Variants in ULK1 observed in about 807,000 individuals in gnomAD.
The protein encoded by ULK1 is unc-51 like autophagy activating kinase 1, also known as serine/threonine-protein kinase ULK1.
ULK1 carries 48 observed loss-of-function variants against 117.5 expected under a neutral mutation model. That is an observed-to-expected ratio of 0.41 (90% CI 0.32 to 0.52). The LOEUF is 0.52. Among genes scored for constraint, ULK1 ranks in the 20% least tolerant of loss-of-function variants. The probability of loss-of-function intolerance (pLI) is 0.29; values close to 1 mark genes in which losing one functional copy is unlikely to be tolerated. For missense variants in ULK1, 1,387 were observed against 1,473.4 expected (o/e 0.94, Z 0.96); for synonymous variants, 790 against 637.8 (o/e 1.24, Z -3.60).
rs758966377 is a variant in ULK1 at position 131,918,403 on chromosome 12, A to T, written c.2327-94A>T. ...CAGGTGTAAACCGAGGCAGAGGCAC[A>T]TTGGGCCCTGGAGGTGTGGGAGTCT... On this transcript the variant is annotated intron_variant, in intron 22 of 27. Coordinates refer to ENST00000321867, the MANE Select transcript of ULK1 (RefSeq NM_003565.4). The T allele has an allele frequency of 4.2e-6, 6 of 1,437,004 alleles. No individual in the cohort carries two copies. In the South Asian group the frequency reaches 7.8e-5, roughly 19 times the overall value. 89.0% of individuals were successfully genotyped at this position (1,437,004 alleles called of 1,614,324 possible). A position where few individuals can be genotyped will look rare whatever the true frequency, so the allele number is the denominator to read the frequency against.
At chr12:131,919,742 A>T in intron 25 of ULK1, 152 bp downstream of exon 25, 2 of 1,071,046 alleles carry the variant, frequency 1.9e-6, no homozygotes, top group African/African-American at 1.6e-5. Flanking sequence ...TGCAGAGCAC[A>T]GAGGCCATTG....
intron 18 of ULK1, 32 bp from the exon 19 acceptor site, chr12:131,915,859 G>T: frequency 1.2e-6 from 2 of 1,604,228 alleles, no homozygotes; most frequent in South Asian, 1.1e-5. Context: ...CCGCCGGACC[G>T]GAAGGTCGTG....
intron 15 of ULK1, 56 bp from the exon 16 acceptor site, chr12:131,914,296 C>A (rs1368565674): frequency 1.4e-5 from 22 of 1,588,462 alleles, no homozygotes; most frequent in African/African-American, 2.7e-5. Context: ...AGCTCCATGA[C>A]CTCAGCCTCT....
At position 131,918,631 on chromosome 12, in the gene ULK1, G is replaced by A; in HGVS notation, c.2461G>A (p.Gly821Arg). 1 of 1,610,198 alleles carries A rather than the reference G, an allele frequency of 6.2e-7. No individual in the cohort carries two copies. Among genetic ancestry groups the A allele is most frequent in the East Asian group, 2.2e-5 (1 of 44,760 alleles). ...FADPITANLEGAVTFEAPDLP... is the reference protein window; with the variant it reads ...FADPITANLERAVTFEAPDLP... Reference sequence around the variant, plus strand: ...CGACCCCATTACTGCGAACCTGGAGGGGGCTGTGACCTTCGAGGCCCCCGA... The same window carrying A: ...CGACCCCATTACTGCGAACCTGGAGAGGGCTGTGACCTTCGAGGCCCCCGA... The change falls in exon 23 of 28, where the codon GGG (glycine) becomes AGG (arginine). Residue 821 changes from glycine (G) to arginine (R), a missense_variant. Physicochemically the swap from Gly to Arg is moderately radical, Grantham distance 125. Coordinates refer to ENST00000321867, the MANE Select transcript of ULK1 (RefSeq NM_003565.4).
chr12:131,909,324 C>T, intron 8 of ULK1, 87 bp downstream of exon 8: 7 of 1,402,082 alleles, frequency 5.0e-6, no homozygotes, highest in Non-Finnish European at 6.7e-6. Context: ...CGAGCCCTGC[C>T]CGCGCCCCAC....
chr12:131,921,370 G>T lies in ULK1; in HGVS notation c.*9G>T. 1.2e-6 allele frequency: 2 copies of T among 1,602,244 alleles called. No individual in the cohort carries two copies. Among genetic ancestry groups the T allele is most frequent in the South Asian group, 1.1e-5 (1 of 91,086 alleles). On this transcript the variant is annotated 3_prime_UTR_variant, in exon 28 of 28. Transcript: ENST00000321867. ...CTGGCATCTGTGCCTGACCTTTCTG[G>T]CCTGGCTGGGCCCCCCGTCCTGCCG... is the stretch of plus-strand genomic sequence containing the variant.
At position 131,919,318 on chromosome 12, in the gene ULK1, G is replaced by T. The variant is rs377654013; in HGVS notation, c.2618G>T (p.Gly873Val). The part of the protein sequence containing the change: ...LKGSASEAAG[G>V]PEYQLQESVV... ...GGCAGCGCCAGTGAGGCGGCGGGGG[G>T]CCCTGAGTACCAGCTGCAGGAGAGT... The change falls in exon 24 of 28, where the codon GGC (glycine) becomes GTC (valine). Residue 873 changes from glycine to valine, a missense_variant. Gly to Val is a moderately radical substitution (Grantham distance 109, BLOSUM62 -3). This residue lies in a region of ULK1 where 900 missense variants were observed against 858.9 expected (regional missense o/e 1.05). Transcript: ENST00000321867. The T allele has an allele frequency of 4.5e-6, 7 of 1,567,114 alleles. No homozygotes were observed. The highest frequency in any genetic ancestry group is 2.7e-5 in the African/African-American group (2 of 73,358).
At chr12:131,906,472 T>G (rs961830354) in intron 3 of ULK1, 18 of 174,004 alleles carry the variant, frequency 1.0e-4, no homozygotes, top group Non-Finnish European at 1.6e-4. Context: ...TCCACCCACC[T>G]TGGCCTCCCA....
At chr12:131,918,216 C>G in intron 22 of ULK1, 2 of 520,556 alleles carry the variant, frequency 3.8e-6, no homozygotes, top group Non-Finnish European at 6.9e-6. Flanking sequence ...CCAGGCAGAT[C>G]TGGGCTGGGG....
intron 5 of ULK1, 91 bp from the exon 6 acceptor site, chr12:131,908,553 C>T: frequency 1.4e-6 from 2 of 1,385,948 alleles, no homozygotes; most frequent in Non-Finnish European, 1.9e-6. Flanking sequence ...TGGCGCTCTC[C>T]ATCCGTGTGG....
At chr12:131,914,111 C>G (rs1889667189) in intron 15 of ULK1, among the ~76,000 whole-genome samples, 1 of 152,250 alleles carries the variant, frequency 6.6e-6, no homozygotes, top group African/African-American at 2.4e-5. Flanking sequence ...AGGGCCCCGG[C>G]CAGGGTGGCC....
At chr12:131,897,139 G>T (rs1593256868) in intron 3 of ULK1, 2 of 152,348 alleles carry the variant, frequency 1.3e-5, no homozygotes, top group East Asian at 1.9e-4. Context: ...ACTTGGAGCC[G>T]CCAGCTGCAG....
rs1283498088 is a variant in ULK1, at chr12:131,915,919, C to T, written c.1638C>T (p.Arg546=). 21 of 1,611,956 alleles carry T rather than the reference C, an allele frequency of 1.3e-5. No individual in the cohort carries two copies. The highest frequency in any genetic ancestry group is 1.7e-5 in the Non-Finnish European group (20 of 1,179,834). Residue 546 remains arginine, a synonymous_variant, in exon 19 of 28, where the codon CGC becomes CGT. Transcript: ENST00000321867. ...PGSSAPEHSP[R]TSGLGCRLHS... The stretch of plus-strand genomic sequence containing the variant: ...CCTCTGCACCCGAGCACTCTCCCCG[C>T]ACTTCCGGGCTGGGCTGCCGCCTGC...
intron 22 of ULK1, chr12:131,918,164 C>A: frequency 2.5e-6 from 1 of 395,346 alleles, no homozygotes; most frequent in Non-Finnish European, 4.6e-6. Context: ...CACACCAAGC[C>A]ACGCACCTAC....
chr12:131,913,305 G>C, intron 14 of ULK1, 47 bp downstream of exon 14: 1 of 1,488,854 alleles, frequency 6.7e-7, no homozygotes, highest in South Asian at 1.3e-5. Flanking sequence ...GAGAAACTGT[G>C]GCCTTGGAAG....
At chr12:131,907,389 G>C (rs907554275) in intron 4 of ULK1, 106 bp from the exon 5 acceptor site, 2 of 1,437,400 alleles carry the variant, frequency 1.4e-6, no homozygotes, top group East Asian at 4.8e-5. Flanking sequence ...AGGTGCCTGC[G>C]GGCTCAGGGA....
chr12:131,920,262 T>C (rs1890093224), intron 26 of ULK1, 126 bp downstream of exon 26: 5 of 1,275,344 alleles, frequency 3.9e-6, no homozygotes, highest in Non-Finnish European at 5.3e-6. Context: ...CTGGAGGTCT[T>C]GAAATGACAG....
rs1593272405 is a variant in ULK1 at position 131,916,327 on chromosome 12, C to A, written c.1879-71C>A. 11 of 1,523,272 alleles carry A rather than the reference C, an allele frequency of 7.2e-6. No homozygotes were observed. The East Asian group carries it at 2.3e-4, about 31-fold the overall frequency. 94.4% of individuals were successfully genotyped at this position (1,523,272 alleles called of 1,614,324 possible). On this transcript the variant is annotated intron_variant, in intron 19 of 27. Transcript: ENST00000321867. The stretch of plus-strand genomic sequence containing the variant: ...CCTGCCAGTTCCTGCGGACTCGGCC[C>A]CTTCCCCAGGCACCGGGCCCCAGGG...
intron 8 of ULK1, 131 bp downstream of exon 8, chr12:131,909,368 CGTCCAGGG>C (rs1431996634): frequency 9.4e-7 from 1 of 1,062,894 alleles, no homozygotes; most frequent in Non-Finnish European, 1.3e-6. Flanking sequence ...GCGGGGCGGG[CGTCCAGGG>C]GTCCAGTGGG....
Sources: gnomAD v4.1 joint callset for allele counts (sites outside exome capture counted in the v4.1 genomes callset) on GRCh38, gnomAD v4.1.1 for gene constraint, gnomAD v4.1.1 regional missense constraint, MANE v1.5 for transcripts, NCBI Gene and HGNC (gene_info 2026-07-23, HGNC 2026-07-21) for gene names.